The following DDRGK1 variants were observed in gnomAD, a reference collection of about 807,000 sequenced individuals.
DDRGK1 encodes DDRGK domain containing 1.
Under a neutral mutation model 45.8 loss-of-function variants are expected in DDRGK1, and 38 were observed. The observed-to-expected ratio is 0.83, with a 90% CI of 0.64 to 1.09. The LOEUF is 1.09. Among genes scored for constraint, DDRGK1 ranks in the 50% least tolerant of loss-of-function variants. The pLI is 0.00. For synonymous variants in DDRGK1, 171 were observed against 168.7 expected (o/e 1.01, Z -0.11); for missense variants, 403 against 419.9 (o/e 0.96, Z 0.35).
rs201612923 is a variant in DDRGK1 at position 3,191,686 on chromosome 20, T to A, written c.729+79A>T. On this transcript the variant is annotated intron_variant, in intron 7 of 8. Transcript: ENST00000354488. ...CAAGGTAGACGGTGCATCAAGACTC[T>A]ATCTTTAGGGCAGGTCCTCTCTGCT... 2.9e-4 allele frequency: 425 copies of A among 1,484,224 alleles called. 1 individual carries two copies. The highest frequency in any genetic ancestry group is 2.9e-4 in the Admixed American group (15 of 51,068). 91.9% of individuals were successfully genotyped at this position (1,484,224 alleles called of 1,614,324 possible).
At chr20:3,195,892 C>T (rs968829813) in intron 4 of DDRGK1, among the ~76,000 whole-genome samples, 1 of 152,136 alleles carries the variant, frequency 6.6e-6, no homozygotes, top group Non-Finnish European at 1.5e-5. Flanking sequence ...TGTCTGTCCT[C>T]TCAGTGATCC....
Position 3,199,990 on chromosome 20 carries a change from G to T in DDRGK1, c.510+11C>A, listed in dbSNP as rs2067028525. On this transcript the variant is annotated intron_variant, in intron 4 of 8. Transcript: ENST00000354488. ...TCAAGGGTCAGAGGTCAGGGTAGGGGCTGGCCTCACCTTCTGCTCCTCCTC... is the reference window on the plus strand; with the variant it reads ...TCAAGGGTCAGAGGTCAGGGTAGGGTCTGGCCTCACCTTCTGCTCCTCCTC... 1 of 1,603,348 alleles carries T rather than the reference G, an allele frequency of 6.2e-7. No homozygotes were observed. The highest frequency in any genetic ancestry group is 8.5e-7 in the Non-Finnish European group (1 of 1,175,468).
chr20:3,203,201 G>A lies in DDRGK1; in HGVS notation c.295+12C>T, dbSNP rs1318993902. 2 of 1,548,334 alleles carry A rather than the reference G, an allele frequency of 1.3e-6. No homozygotes were observed. Among genetic ancestry groups the A allele is most frequent in the Non-Finnish European group, 8.7e-7 (1 of 1,145,508 alleles). On this transcript the variant is annotated intron_variant, in intron 2 of 8. Transcript: ENST00000354488. ...CCCAAACCCTCTCCCCACCAGGCTG[G>A]GCCCCTCTCACCTAGGATGACAGCT...
Position 3,203,304 on chromosome 20 carries a change from C to A in DDRGK1, c.204G>T (p.Arg68Ser), listed in dbSNP as rs1454160103. ...GGGCCTGTAGGCGGCTGCCCAGGTC[C>A]CTCCGGCGCCGAGGCCTGCCTCCAG... is the stretch of plus-strand genomic sequence containing the variant. ...PRAGGRPRRR[R>S]DLGSRLQAQR... The change falls in exon 2 of 9, where the codon AGG (arginine) becomes AGT (serine). Residue 68 changes from arginine (R) to serine (S), a missense_variant. Arg to Ser is a moderately radical substitution (Grantham distance 110). Transcript: ENST00000354488. 1.2e-6 allele frequency: 2 copies of A among 1,607,884 alleles called. No individual in the cohort carries two copies. The highest frequency in any genetic ancestry group is 3.4e-5 in the Admixed American group (2 of 59,356).
intron 3 of DDRGK1, 31 bp from the exon 4 acceptor site, chr20:3,200,133 C>T: frequency 1.2e-6 from 2 of 1,605,320 alleles, no homozygotes; most frequent in Non-Finnish European, 1.7e-6. Context: ...GGGCACATCC[C>T]TCACCCCCGG....
In DDRGK1 at chr20:3,191,762, T is replaced by C; in HGVS notation, c.729+3A>G. 1.2e-6 allele frequency: 2 copies of C among 1,602,798 alleles called. No individual in the cohort carries two copies. The highest frequency in any genetic ancestry group is 1.7e-6 in the Non-Finnish European group (2 of 1,174,408). On this transcript the variant is annotated splice_donor_region_variant and intron_variant, in intron 7 of 8. Coordinates refer to ENST00000354488, the MANE Select transcript of DDRGK1 (RefSeq NM_023935.3). ...ACACAGCAGGCCACGTTCCAGGGCT[T>C]ACCTGAGTGCGTAGGCCCACCTGGG... is the stretch of plus-strand genomic sequence containing the variant.
chr20:3,192,161 G>A (rs61261378), intron 6 of DDRGK1, among the ~76,000 whole-genome samples: 1 of 151,902 alleles, frequency 6.6e-6, no homozygotes, highest in Non-Finnish European at 1.5e-5. Flanking sequence ...ACCATCCTCT[G>A]CATCCAGCCA....
rs549932191 is a variant in DDRGK1, at chr20:3,201,854, G to A, written c.295+1359C>T. On this transcript the variant is annotated intron_variant, in intron 2 of 8. Coordinates refer to ENST00000354488, the MANE Select transcript of DDRGK1 (RefSeq NM_023935.3). The stretch of plus-strand genomic sequence containing the variant: ...TTTATTTTTATTTTTAGTAGAGACC[G>A]GGTTTCACCATGTTAGCCAGGATGG... 7.2e-5 allele frequency among the ~76,000 whole-genome samples: 11 copies of A among 151,824 alleles called. No homozygotes were observed. In the South Asian group the frequency reaches 1.5e-3, roughly 20 times the overall value.
rs539237108 is a variant in DDRGK1, at chr20:3,196,200, C to A, written c.511-847G>T. 2.1e-3 allele frequency among the ~76,000 whole-genome samples: 314 copies of A among 152,296 alleles called. 1 individual carries two copies. Among genetic ancestry groups the A allele is most frequent in the African/African-American group, 7.2e-3 (300 of 41,542 alleles). ...CTACTCTTCTACGTTTAGACCTCCTCCTAGGTCCCTGGCTCTGTGAATTAA... is the reference window on the plus strand; with the variant it reads ...CTACTCTTCTACGTTTAGACCTCCTACTAGGTCCCTGGCTCTGTGAATTAA... On this transcript the variant is annotated intron_variant, in intron 4 of 8. Transcript: ENST00000354488.
At chr20:3,197,306 A>G (rs1271810998) in intron 4 of DDRGK1, among the ~76,000 whole-genome samples, 1 of 151,830 alleles carries the variant, frequency 6.6e-6, no homozygotes, top group African/African-American at 2.4e-5. Context: ...AGAGATTTCC[A>G]TATAATTTAT....
chr20:3,200,184 T>A, intron 3 of DDRGK1, 82 bp from the exon 4 acceptor site: 1 of 1,531,768 alleles, frequency 6.5e-7, no homozygotes, highest in Non-Finnish European at 8.8e-7. Flanking sequence ...GGGAAGGCAA[T>A]GCCTGGGCCA....
intron 2 of DDRGK1, among the ~76,000 whole-genome samples, chr20:3,201,156 T>C (rs1418814091): frequency 9.6e-5 from 14 of 146,036 alleles, no homozygotes; most frequent in South Asian, 4.4e-4. Context: ...TGGTGGCGGG[T>C]GCCTGTAGTC....
intron 5 of DDRGK1, among the ~76,000 whole-genome samples, 177 bp downstream of exon 5, chr20:3,195,054 G>A (rs1445256766): frequency 6.6e-6 from 1 of 152,206 alleles, no homozygotes; most frequent in Non-Finnish European, 1.5e-5. Flanking sequence ...GAGAGTTTCG[G>A]AGGCACCAGC....
chr20:3,200,159 C>T (rs1360827147), intron 3 of DDRGK1, 57 bp from the exon 4 acceptor site: 42 of 1,576,272 alleles, frequency 2.7e-5, no homozygotes, highest in South Asian at 3.5e-5. Context: ...GTGTGCCCAC[C>T]GCCCAGACAG....
At chr20:3,199,288 G>A (rs1260672378) in intron 4 of DDRGK1, among the ~76,000 whole-genome samples, 1 of 152,226 alleles carries the variant, frequency 6.6e-6, no homozygotes, top group Non-Finnish European at 1.5e-5. Context: ...GGGGAGAAGA[G>A]CCAGGATATT....
Position 3,200,200 on chromosome 20 carries a change from C to G in DDRGK1, c.409-98G>C. The G allele has an allele frequency of 2.7e-6, 4 of 1,490,832 alleles. No homozygotes were observed. The South Asian group carries it at 5.1e-5, about 19-fold the overall frequency. The allele number at this position is 1,490,832 out of a possible 1,614,324, so 92.4% of individuals were successfully genotyped here. ...GGAAGGCAATGCCTGGGCCAGGGCA[C>G]AGACCCAGGCGGCAGGAGACAGAGC... On this transcript the variant is annotated intron_variant, in intron 3 of 8. Transcript: ENST00000354488.
chr20:3,204,516 T>C lies in DDRGK1; in HGVS notation c.91+21A>G, dbSNP rs1025721803. The C allele has an allele frequency of 2.6e-6, 4 of 1,546,952 alleles. No homozygotes were observed. In the African/African-American group the frequency reaches 4.1e-5, roughly 16 times the overall value. Reference sequence around the variant, plus strand: ...CCAGAAAACCCGGTACCACCAACCCTGGTGCAGCGGCATCTCCTACCTGAT... The same window carrying C: ...CCAGAAAACCCGGTACCACCAACCCCGGTGCAGCGGCATCTCCTACCTGAT... On this transcript the variant is annotated intron_variant, in intron 1 of 8. Transcript: ENST00000354488.
rs2067002442 is a variant in DDRGK1, at chr20:3,194,706, C to G, written c.672+124G>C. ...GCCAGGACCCTGCGGCTCTGCCCCT[C>G]TGGGCCCCCCTGTCCACTCCTGCAT... is the stretch of plus-strand genomic sequence containing the variant. On this transcript the variant is annotated intron_variant, in intron 6 of 8. Transcript: ENST00000354488. The G allele has an allele frequency of 4.6e-6, 6 of 1,316,078 alleles. No individual in the cohort carries two copies. The Admixed American group carries it at 5.9e-5, about 13-fold the overall frequency. 81.5% of individuals were successfully genotyped at this position (1,316,078 alleles called of 1,614,324 possible).
chr20:3,199,184 T>C (rs1347832748), intron 4 of DDRGK1, among the ~76,000 whole-genome samples: 2 of 152,034 alleles, frequency 1.3e-5, no homozygotes, highest in East Asian at 1.9e-4. Flanking sequence ...ATCTGAATAA[T>C]GTTAGAGTTT....
Sources: allele counts gnomAD v4.1 joint callset (sites outside exome capture counted in the v4.1 genomes callset), GRCh38; gene constraint gnomAD v4.1.1; transcripts MANE v1.5; gene names NCBI Gene and HGNC (gene_info 2026-07-23, HGNC 2026-07-21).